Variants in PDE4B observed in about 807,000 individuals in gnomAD.
PDE4B encodes the protein phosphodiesterase 4B.
Under a neutral mutation model 82.2 loss-of-function variants are expected in PDE4B, and 20 were observed. The ratio of observed to expected loss-of-function variants is 0.24; its 90% confidence interval spans 0.17 to 0.35. The LOEUF (loss-of-function observed/expected upper bound fraction) is 0.35. Among genes scored for constraint, PDE4B ranks in the 10% least tolerant of loss-of-function variants. PDE4B has a pLI of 1.00. For missense variants in PDE4B, 655 were observed against 907.2 expected (o/e 0.72, Z 3.57); for synonymous variants, 320 against 318.9 (o/e 1.00, Z -0.04).
At chr1:66,231,120 G>C (rs548225865) in intron 3 of PDE4B, among the ~76,000 whole-genome samples, 15 of 152,006 alleles carry the variant, frequency 9.9e-5, no homozygotes, top group Non-Finnish European at 1.9e-4. Flanking sequence ...AGAGTAGAAT[G>C]GTCATGATTC....
intron 3 of PDE4B, among the ~76,000 whole-genome samples, chr1:66,244,542 C>A (rs962266255): frequency 2.6e-5 from 4 of 152,214 alleles, no homozygotes; most frequent in South Asian, 2.1e-4. Context: ...TCCCTTTGCC[C>A]ACACCCCTCC....
chr1:66,317,296 C>A (rs751327810), intron 7 of PDE4B, among the ~76,000 whole-genome samples: 2 of 152,202 alleles, frequency 1.3e-5, no homozygotes, highest in Non-Finnish European at 2.9e-5. Flanking sequence ...GCCTGTGAGT[C>A]TCCTACTAAA....
chr1:65,889,759 T>C (rs1646833238), intron 1 of PDE4B, among the ~76,000 whole-genome samples: 1 of 152,136 alleles, frequency 6.6e-6, no homozygotes, highest in African/African-American at 2.4e-5. Context: ...GGCAATGTGG[T>C]CTACATTGTA....
At chr1:65,918,892 A>C in intron 3 of PDE4B, 57 bp downstream of exon 3, 1 of 1,064,756 alleles carries the variant, frequency 9.4e-7, no homozygotes, top group South Asian at 1.3e-5. Context: ...AATTTCTCCA[A>C]ATACAATTTC....
intron 3 of PDE4B, among the ~76,000 whole-genome samples, chr1:66,077,310 T>C (rs1656484379): frequency 6.6e-6 from 1 of 152,194 alleles, no homozygotes; most frequent in African/African-American, 2.4e-5. Context: ...GCATTTATGC[T>C]AAATACTGTG....
At chr1:66,186,772 T>C (rs1647231895) in intron 3 of PDE4B, among the ~76,000 whole-genome samples, 1 of 152,208 alleles carries the variant, frequency 6.6e-6, no homozygotes, top group Non-Finnish European at 1.5e-5. Context: ...AATCATCTCA[T>C]CTGCAAACAG....
At chr1:66,257,886 A>C (rs781086461) in intron 6 of PDE4B, 23 bp downstream of exon 6, 10 of 1,561,330 alleles carry the variant, frequency 6.4e-6, no homozygotes, top group South Asian at 1.1e-5. Context: ...TTTTTTGTGG[A>C]GTTTGAATCC....
intron 1 of PDE4B, among the ~76,000 whole-genome samples, chr1:65,844,939 T>A (rs1646252118): frequency 6.6e-6 from 1 of 152,158 alleles, no homozygotes; most frequent in African/African-American, 2.4e-5. Flanking sequence ...GAGGTTTGGA[T>A]CAATTCAGTG....
intron 3 of PDE4B, among the ~76,000 whole-genome samples, chr1:66,110,448 T>C (rs965835030): frequency 3.3e-5 from 5 of 152,048 alleles, no homozygotes; most frequent in Non-Finnish European, 5.9e-5. Context: ...AAGTCTTGTC[T>C]GCTACTAAAC....
At chr1:66,147,837 A>T (rs1453678092) in intron 3 of PDE4B, among the ~76,000 whole-genome samples, 1 of 152,228 alleles carries the variant, frequency 6.6e-6, no homozygotes. Flanking sequence ...ATGATTTGCT[A>T]TTACTTTATC....
intron 3 of PDE4B, among the ~76,000 whole-genome samples, chr1:66,105,094 T>C (rs1198059180): frequency 3.3e-5 from 5 of 152,156 alleles, no homozygotes; most frequent in Admixed American, 6.6e-5. Context: ...ATGTCTTTAA[T>C]CCATCTTGAA....
At chr1:66,204,019 G>GT in intron 3 of PDE4B, among the ~76,000 whole-genome samples, 1 of 152,292 alleles carries the variant, frequency 6.6e-6, no homozygotes, top group Admixed American at 6.5e-5. Flanking sequence ...GTACAGATGG[G>GT]TTTTTAGTGT....
intron 3 of PDE4B, among the ~76,000 whole-genome samples, chr1:65,923,012 C>T (rs1166981278): frequency 1.3e-5 from 2 of 152,050 alleles, no homozygotes; most frequent in Non-Finnish European, 1.5e-5. Flanking sequence ...AACCCCCTCC[C>T]CCACAAAAAT....
intron 3 of PDE4B, among the ~76,000 whole-genome samples, chr1:66,110,352 A>AT (rs1378505465): frequency 6.6e-6 from 1 of 151,980 alleles, no homozygotes; most frequent in African/African-American, 2.4e-5. Flanking sequence ...CTTTCACTAG[A>AT]TTGGGAGAGT....
chr1:66,092,313 C>G (rs1645041167), intron 3 of PDE4B, among the ~76,000 whole-genome samples: 1 of 151,972 alleles, frequency 6.6e-6, no homozygotes, highest in Non-Finnish European at 1.5e-5. Flanking sequence ...TTAATTGATA[C>G]AAGCAAGAGT....
At position 66,279,019 on chromosome 1, in the gene PDE4B, C is replaced by G. The variant is rs79259213; in HGVS notation, c.634+12932C>G. The stretch of plus-strand genomic sequence containing the variant: ...CCTTCCCTCTCATCACAAGTTTAGG[C>G]AGTCTGGCTTTCCTCATCCACAGAG... On this transcript the variant is annotated intron_variant, in intron 7 of 16. Transcript: ENST00000341517. Among the ~76,000 whole-genome samples, 472 of 152,214 alleles carry G rather than the reference C, an allele frequency of 3.1e-3. 1 individual carries two copies. The highest frequency in any genetic ancestry group is 0.011 in the African/African-American group (450 of 41,512).
chr1:66,168,874 GT>G (rs1464464572), intron 3 of PDE4B, among the ~76,000 whole-genome samples: 3 of 152,162 alleles, frequency 2.0e-5, no homozygotes, highest in African/African-American at 7.2e-5. Context: ...CACAAAATGA[GT>G]CCTGTCCTGA....
chr1:66,007,411 T>C (rs1477993792), intron 3 of PDE4B, among the ~76,000 whole-genome samples: 3 of 152,094 alleles, frequency 2.0e-5, no homozygotes, highest in Non-Finnish European at 4.4e-5. Context: ...GCCACTGCAC[T>C]TCAGCCTGGG....
chr1:65,870,367 C>T (rs1238443960), intron 1 of PDE4B, among the ~76,000 whole-genome samples: 1 of 152,046 alleles, frequency 6.6e-6, no homozygotes, highest in Non-Finnish European at 1.5e-5. Flanking sequence ...TTTCATTAAT[C>T]CCCCCTTTGC....
Sources: gnomAD v4.1 joint callset for allele counts (sites outside exome capture counted in the v4.1 genomes callset) on GRCh38, gnomAD v4.1.1 for gene constraint, MANE v1.5 for transcripts, NCBI Gene and HGNC (gene_info 2026-07-23, HGNC 2026-07-21) for gene names.